DMD: variants seen among roughly 807,000 people sequenced by gnomAD.
DMD encodes dystrophin, also known as mutant dystrophin.
Under a neutral mutation model 330.1 loss-of-function variants are expected in DMD, and 63 were observed. The observed-to-expected ratio is 0.19, with a 90% confidence interval of 0.16 to 0.24. DMD has a LOEUF of 0.24. Among genes scored for constraint, DMD ranks in the 10% least tolerant of loss-of-function variants. DMD has a pLI of 1.00. For synonymous variants in DMD, 1,223 were observed against 959.8 expected, an observed-to-expected ratio of 1.27 and a Z score of -5.07; for missense variants, 3,344 against 2,684.1, an observed-to-expected ratio of 1.25 and a Z score of -5.43.
intron 11 of DMD, among the ~76,000 whole-genome samples, chrX:32,633,284 A>G (rs1040457014): frequency 1.8e-5 from 2 of 111,524 alleles, no homozygotes; most frequent in Non-Finnish European, 3.8e-5. Context: ...ACTTTCACAG[A>G]TATCTAGAGC....
Position 32,659,690 on chromosome X carries a change from A to G in DMD, c.961-14538T>C, listed in dbSNP as rs189130852. Reference sequence around the variant, plus strand: ...ATGTAACAATATTCCATTTTACCTTATACTGATATGAGGACATTTTTTTTC... The same window carrying G: ...ATGTAACAATATTCCATTTTACCTTGTACTGATATGAGGACATTTTTTTTC... On this transcript the variant is annotated intron_variant, in intron 9 of 78. Coordinates refer to ENST00000357033, the MANE Select transcript of DMD (RefSeq NM_004006.3). Among the ~76,000 whole-genome samples, 249 of 111,121 alleles carry G rather than the reference A, an allele frequency of 2.2e-3. 2 individuals carry two copies. The highest frequency in any genetic ancestry group is 1.1e-3 in the Non-Finnish European group (56 of 52,836).
At chrX:31,493,190 G>T (rs1327610307) in intron 57 of DMD, among the ~76,000 whole-genome samples, 1 of 111,882 alleles carries the variant, frequency 8.9e-6, no homozygotes, top group Middle Eastern at 4.7e-3. Flanking sequence ...AGTGTCTACT[G>T]TATACTAGGC....
chrX:31,554,767 C>CA (rs1160860970), intron 55 of DMD, among the ~76,000 whole-genome samples: 2 of 111,041 alleles, frequency 1.8e-5, no homozygotes, highest in Non-Finnish European at 3.8e-5. Flanking sequence ...TACGGAAGTA[C>CA]AAAAAAGTAC....
intron 52 of DMD, among the ~76,000 whole-genome samples, chrX:31,714,397 G>T (rs1413422543): frequency 9.0e-6 from 1 of 111,621 alleles, no homozygotes; most frequent in African/African-American, 3.2e-5. Context: ...ATGAAATAAG[G>T]ATCTGTCCAA....
intron 44 of DMD, among the ~76,000 whole-genome samples, chrX:32,114,030 G>A (rs2096599803): frequency 9.0e-6 from 1 of 111,471 alleles, no homozygotes; most frequent in African/African-American, 3.3e-5. Flanking sequence ...ACATTTTGTT[G>A]CTAAATTATA....
intron 62 of DMD, among the ~76,000 whole-genome samples, chrX:31,320,111 G>A (rs1229767913): frequency 8.9e-6 from 1 of 111,737 alleles, no homozygotes; most frequent in Non-Finnish European, 1.9e-5. Context: ...CAAGGGAGAG[G>A]GAATATGAAA....
chrX:31,140,185 C>G (rs1417868323), intron 76 of DMD, among the ~76,000 whole-genome samples: 3 of 112,715 alleles, frequency 2.7e-5, no homozygotes, highest in Non-Finnish European at 5.6e-5. Flanking sequence ...TGACTCACTT[C>G]CCTTTGATTC....
chrX:32,581,953 C>A (rs1169751793), intron 13 of DMD, among the ~76,000 whole-genome samples: 3 of 111,749 alleles, frequency 2.7e-5, no homozygotes, highest in Non-Finnish European at 5.6e-5. Flanking sequence ...AAAAATACGA[C>A]CATCTCAAAT....
chrX:33,036,124 A>AAGAGAGAGAG (rs761957290), intron 1 of DMD, among the ~76,000 whole-genome samples: 1 of 110,848 alleles, frequency 9.0e-6, no homozygotes, highest in African/African-American at 3.3e-5. Context: ...AAGTTGAATA[A>AAGAGAGAGAG]AGAGAGCGAG....
intron 1 of DMD, among the ~76,000 whole-genome samples, chrX:33,157,116 GTTGT>G (rs1202481192): frequency 3.6e-5 from 4 of 111,617 alleles, no homozygotes; most frequent in South Asian, 3.8e-4. Context: ...AGGGTTTGTA[GTTGT>G]TTGTTTGTTT....
chrX:31,612,604 C>T (rs1291100392), intron 55 of DMD, among the ~76,000 whole-genome samples: 1 of 111,539 alleles, frequency 9.0e-6, no homozygotes, highest in Non-Finnish European at 1.9e-5. Flanking sequence ...TAAGGCTGCG[C>T]TGTGCTCAGA....
chrX:32,653,698 G>C (rs943545987), intron 9 of DMD, among the ~76,000 whole-genome samples: 23 of 111,878 alleles, frequency 2.1e-4, no homozygotes, highest in African/African-American at 7.5e-4. Flanking sequence ...CGTGTAGAAA[G>C]TCATTGGTAG....
chrX:32,668,664 A>T (rs759234954), intron 9 of DMD, among the ~76,000 whole-genome samples: 2 of 111,481 alleles, frequency 1.8e-5, no homozygotes, highest in African/African-American at 6.5e-5. Context: ...ATGTTTTATA[A>T]AATCAAATCA....
intron 17 of DMD, among the ~76,000 whole-genome samples, chrX:32,527,367 G>T (rs769024602): frequency 3.6e-5 from 4 of 111,377 alleles, no homozygotes; most frequent in Non-Finnish European, 5.6e-5. Flanking sequence ...AGAGTTTTCC[G>T]AAGTGAGAAG....
intron 1 of DMD, among the ~76,000 whole-genome samples, chrX:33,040,373 G>A (rs1337834471): frequency 9.0e-6 from 1 of 111,082 alleles, no homozygotes; most frequent in Non-Finnish European, 1.9e-5. Context: ...GCCACTGAGA[G>A]AGGGTCAAGA....
At chrX:32,012,092 T>C (rs1285490042) in intron 44 of DMD, among the ~76,000 whole-genome samples, 1 of 112,487 alleles carries the variant, frequency 8.9e-6, no homozygotes, top group Non-Finnish European at 1.9e-5. Context: ...AACAATGTGA[T>C]GGCCATTGCC....
At position 31,174,924 on chromosome X, in the gene DMD, A is replaced by G. The variant is rs768564175; in HGVS notation, c.10263-1320T>C. On this transcript the variant is annotated intron_variant, in intron 71 of 78. Transcript: ENST00000357033. ...TCAAGTGTAATCATAATCAAATTGA[A>G]ATGAGTTATAAAGACGTTTAAATTG... Among the ~76,000 whole-genome samples, 55 of 111,565 alleles carry G rather than the reference A, an allele frequency of 4.9e-4. 1 individual carries two copies. Among genetic ancestry groups the G allele is most frequent in the Non-Finnish European group, 9.3e-4 (49 of 52,774 alleles).
At chrX:32,106,981 T>C (rs1401798335) in intron 44 of DMD, among the ~76,000 whole-genome samples, 1 of 112,081 alleles carries the variant, frequency 8.9e-6, no homozygotes, top group Non-Finnish European at 1.9e-5. Flanking sequence ...TCTGCAATGA[T>C]CCTTGAGAAA....
rs938003867 is a variant in DMD at position 32,654,736 on chromosome X, T to C, written c.961-9584A>G. On this transcript the variant is annotated intron_variant, in intron 9 of 78. Transcript: ENST00000357033. Reference sequence around the variant, plus strand: ...GTTTCAGAAGGAATGGTACCAGCTCTTCCTTGTACCTCTGGTAGAATTCGG... The same window carrying C: ...GTTTCAGAAGGAATGGTACCAGCTCCTCCTTGTACCTCTGGTAGAATTCGG... Among the ~76,000 whole-genome samples the C allele has an allele frequency of 8.0e-5, 9 of 111,946 alleles. No homozygotes were observed. The South Asian group carries it at 1.1e-3, about 14-fold the overall frequency.
Sources: allele counts gnomAD v4.1 joint callset (sites outside exome capture counted in the v4.1 genomes callset), GRCh38; gene constraint gnomAD v4.1.1; transcripts MANE v1.5; gene names NCBI Gene and HGNC (gene_info 2026-07-23, HGNC 2026-07-21).